The following RAB11FIP3 variants were observed in gnomAD, a reference collection of about 807,000 sequenced individuals.
The protein encoded by RAB11FIP3 is RAB11 family interacting protein 3.
RAB11FIP3 carries 17 observed loss-of-function variants against 77.8 expected under a neutral mutation model. That is an observed-to-expected ratio of 0.22 (90% CI 0.15 to 0.33). The LOEUF (loss-of-function observed/expected upper bound fraction) is 0.33. Among genes scored for constraint, RAB11FIP3 ranks in the 10% least tolerant of loss-of-function variants. The pLI, the probability that RAB11FIP3 is intolerant of heterozygous loss-of-function variation, is 1.00. For missense variants in RAB11FIP3, 1,005 were observed against 1,011.2 expected, an observed-to-expected ratio of 0.99 and a Z score of 0.08; for synonymous variants, 437 against 448.2, an observed-to-expected ratio of 0.98 and a Z score of 0.31.
Position 520,195 on chromosome 16 carries a change from G to A in RAB11FIP3, c.1934G>A (p.Arg645His), listed in dbSNP as rs537339281. 79 of 1,545,160 alleles carry A rather than the reference G, an allele frequency of 5.1e-5. No individual in the cohort carries two copies. In the African/African-American group the frequency reaches 8.0e-4, roughly 16 times the overall value. Residue 645 changes from arginine to histidine, a missense_variant, in exon 12 of 14, where the codon CGC (arginine) becomes CAC (histidine). Around this residue, in one of 4 missense-constraint regions of RAB11FIP3, gnomAD observed 433 missense variants for 436.1 expected, o/e 0.99. Transcript: ENST00000262305. ...LKLEAEQRRG[R>H]SSSMGLQEYH... ...CTGGAGGCCGAGCAGCGGCGGGGCCGCAGCAGCAGCATGGGCCTGCAGGAG... is the reference window on the plus strand; with the variant it reads ...CTGGAGGCCGAGCAGCGGCGGGGCCACAGCAGCAGCATGGGCCTGCAGGAG...
intron 4 of RAB11FIP3, among the ~76,000 whole-genome samples, chr16:488,414 A>AT (rs35375406): frequency 3.6e-4 from 53 of 148,296 alleles, no homozygotes; most frequent in South Asian, 2.8e-3. Flanking sequence ...TTATTTATTT[A>AT]TTTTTTTTTT....
intron 8 of RAB11FIP3, among the ~76,000 whole-genome samples, chr16:508,505 C>T (rs2031980838): frequency 6.6e-6 from 1 of 152,232 alleles, no homozygotes. Flanking sequence ...TCCCAAGTAG[C>T]TGGGATTACA....
intron 5 of RAB11FIP3, among the ~76,000 whole-genome samples, chr16:493,636 TCG>T (rs1241732429): frequency 6.6e-6 from 1 of 152,200 alleles, no homozygotes; most frequent in African/African-American, 2.4e-5. Context: ...AGACAGAGTC[TCG>T]CTTTGTGACC....
Position 445,126 on chromosome 16 carries a change from A to AAAAG in RAB11FIP3, c.715-16275_715-16274insGAAA, listed in dbSNP as rs1410067530. Among the ~76,000 whole-genome samples the AAAAG allele has an allele frequency of 6.4e-5, 9 of 140,250 alleles. 1 individual carries two copies. The highest frequency in any genetic ancestry group is 2.4e-4 in the African/African-American group (9 of 37,470). The allele number at this position is 140,250 out of a possible 152,430, so 92.0% of individuals were successfully genotyped here. On this transcript the variant is annotated intron_variant, in intron 1 of 13. Transcript: ENST00000262305. Reference sequence around the variant, plus strand: ...GAGACTCTGTCTCAAAAAAAAAAAAAAAAAAGAAAAAAAGATTGGGTTCAG... The same window carrying AAAAG: ...GAGACTCTGTCTCAAAAAAAAAAAAAAAAGAAAAAGAAAAAAAGATTGGGTTCAG...
At position 446,886 on chromosome 16, in the gene RAB11FIP3, A is replaced by G. The variant is rs560709651; in HGVS notation, c.715-14518A>G. 3.3e-5 allele frequency among the ~76,000 whole-genome samples: 5 copies of G among 151,884 alleles called. No individual in the cohort carries two copies. In the East Asian group the frequency reaches 7.9e-4, roughly 24 times the overall value. ...CAGCTAATTTTTGTATTTTTAGTAG[A>G]TTCGGGGTTTCACCATGTTGGCCAG... On this transcript the variant is annotated intron_variant, in intron 1 of 13. Transcript: ENST00000262305.
chr16:459,805 C>T (rs1173898358), intron 1 of RAB11FIP3, among the ~76,000 whole-genome samples: 4 of 151,666 alleles, frequency 2.6e-5, no homozygotes, highest in African/African-American at 7.3e-5. Flanking sequence ...TGGTTATCAA[C>T]CATTCACACA....
chr16:518,651 G>A (rs558411930), intron 9 of RAB11FIP3, among the ~76,000 whole-genome samples: 17 of 152,268 alleles, frequency 1.1e-4, no homozygotes, highest in East Asian at 1.9e-4. Flanking sequence ...CTTGAACCCC[G>A]GGAGATGGAG....
chr16:475,097 G>A (rs941369765), intron 3 of RAB11FIP3: 11 of 1,551,170 alleles, frequency 7.1e-6, no homozygotes, highest in Admixed American at 3.9e-5. Flanking sequence ...CAGCATCTGA[G>A]GGTAAGAGGA....
chr16:497,057 T>C, intron 6 of RAB11FIP3, 198 bp downstream of exon 6: 2 of 625,100 alleles, frequency 3.2e-6, no homozygotes, highest in Non-Finnish European at 5.1e-6. Flanking sequence ...TGGACCTGGA[T>C]TTGTGACCAG....
In RAB11FIP3 at chr16:505,542, C is replaced by G; in HGVS notation, c.1414C>G (p.Arg472Gly). The G allele has an allele frequency of 6.2e-7, 1 of 1,608,858 alleles. No homozygotes were observed. The highest frequency in any genetic ancestry group is 8.5e-7 in the Non-Finnish European group (1 of 1,179,536). Residue 472 changes from arginine (R) to glycine (G), a missense_variant, in exon 8 of 14, where the codon CGT (arginine) becomes GGT (glycine). By Grantham distance (125) the Arg-to-Gly change is moderately radical. Coordinates refer to ENST00000262305, the MANE Select transcript of RAB11FIP3 (RefSeq NM_014700.4). The surrounding 1 kb of genome is among the most constrained non-coding windows in gnomAD (Gnocchi z 4.0). ...IADKVVFLERRVLELEKDTAA... is the reference protein window; with the variant it reads ...IADKVVFLERGVLELEKDTAA... ...TGCCAAGGTTGTCTTCCTGGAAAGG[C>G]GTGTGCTGGAGCTGGAAAAGGACAC... is the stretch of plus-strand genomic sequence containing the variant.
intron 4 of RAB11FIP3, among the ~76,000 whole-genome samples, chr16:487,671 C>G (rs2141758567): frequency 6.6e-6 from 1 of 152,208 alleles, no homozygotes; most frequent in South Asian, 2.1e-4. Flanking sequence ...GAAGGTTCTC[C>G]CGAGGACTCC....
At chr16:470,187 G>A (rs1017390278) in intron 2 of RAB11FIP3, among the ~76,000 whole-genome samples, 5 of 151,948 alleles carry the variant, frequency 3.3e-5, no homozygotes, top group African/African-American at 4.8e-5. Context: ...TAGTAGAGAT[G>A]GGGTTTCACC....
At chr16:448,186 G>A (rs1473345902) in intron 1 of RAB11FIP3, among the ~76,000 whole-genome samples, 3 of 151,454 alleles carry the variant, frequency 2.0e-5, no homozygotes, top group African/African-American at 7.3e-5. Context: ...GCGTGGTGGC[G>A]CGCATCTGTA....
At chr16:484,219 C>T (rs1324751416) in intron 4 of RAB11FIP3, among the ~76,000 whole-genome samples, 2 of 152,172 alleles carry the variant, frequency 1.3e-5, no homozygotes, top group South Asian at 2.1e-4. Flanking sequence ...AAAACACTCC[C>T]GCACCCAGGG....
intron 5 of RAB11FIP3, among the ~76,000 whole-genome samples, chr16:496,409 G>A (rs2031132404): frequency 6.6e-6 from 1 of 152,214 alleles, no homozygotes; most frequent in Admixed American, 6.5e-5. Flanking sequence ...TGCCTGAGTC[G>A]AAGCCAGCGG....
intron 9 of RAB11FIP3, 139 bp downstream of exon 9, chr16:510,939 G>C: frequency 2.6e-6 from 3 of 1,155,390 alleles, no homozygotes; most frequent in Non-Finnish European, 2.4e-6. Flanking sequence ...GAACCTGCAG[G>C]CCAGGTAGGA....
At position 492,444 on chromosome 16, in the gene RAB11FIP3, GCCCAGGGCCC is replaced by G. The variant is rs1567392279; in HGVS notation, c.1265+3445_1265+3454del. 5.0e-3 allele frequency among the ~76,000 whole-genome samples: 690 copies of G among 138,370 alleles called. 1 individual carries two copies. The highest frequency in any genetic ancestry group is 0.035 in the Admixed American group (488 of 13,880). 90.8% of individuals were successfully genotyped at this position (138,370 alleles called of 152,430 possible). On this transcript the variant is annotated intron_variant, in intron 5 of 13. Transcript: ENST00000262305. Reference sequence around the variant, plus strand: ...GGCCCTCCCCGGGAGACCCGAGGCCGCCCAGGGCCCTTCCCGGGGAGACCCGAGGCCGCCC... The same window carrying G: ...GGCCCTCCCCGGGAGACCCGAGGCCGTTCCCGGGGAGACCCGAGGCCGCCC...
At chr16:503,244 G>C in intron 7 of RAB11FIP3, 147 bp downstream of exon 7, 1 of 618,334 alleles carries the variant, frequency 1.6e-6, no homozygotes, top group Non-Finnish European at 2.8e-6. Flanking sequence ...TGTCCATCCA[G>C]CCCCGATGCT....
chr16:468,868 A>G (rs1009865874), intron 2 of RAB11FIP3, among the ~76,000 whole-genome samples: 3 of 152,204 alleles, frequency 2.0e-5, no homozygotes, highest in African/African-American at 4.8e-5. Context: ...TAAAAATGCC[A>G]TCTGTGTTCA....
Sources: gnomAD v4.1 joint callset for allele counts (sites outside exome capture counted in the v4.1 genomes callset) on GRCh38, gnomAD v4.1.1 for gene constraint, gnomAD v4.1.1 regional missense constraint, Gnocchi (gnomAD v3.1) non-coding constraint, MANE v1.5 for transcripts, NCBI Gene and HGNC (gene_info 2026-07-23, HGNC 2026-07-21) for gene names.